The following TPP2 variants were observed in gnomAD, a reference collection of about 807,000 sequenced individuals.
TPP2 encodes tripeptidyl peptidase 2.
A neutral mutation model predicts 155.9 loss-of-function variants in TPP2; 34 were observed. That is an observed-to-expected ratio of 0.22 (90% CI 0.17 to 0.29). TPP2 has a LOEUF of 0.29. Among genes scored for constraint, TPP2 ranks in the 10% least tolerant of loss-of-function variants. TPP2 has a pLI of 1.00. For missense variants in TPP2, 1,028 were observed against 1,522.3 expected, an observed-to-expected ratio of 0.68 and a Z score of 5.40; for synonymous variants, 510 against 529.4, an observed-to-expected ratio of 0.96 and a Z score of 0.50.
intron 3 of TPP2, 112 bp from the exon 4 acceptor site, chr13:102,616,284 G>T: frequency 1.2e-6 from 1 of 807,186 alleles, no homozygotes; most frequent in Non-Finnish European, 1.9e-6. Context: ...ACCTCTCTAT[G>T]AGAATTGTGT....
chr13:102,634,175 T>C, intron 11 of TPP2, 77 bp downstream of exon 11: 1 of 1,574,734 alleles, frequency 6.4e-7, no homozygotes, highest in South Asian at 1.1e-5. Flanking sequence ...GGTAAGAACA[T>C]GTGGTAGAAT....
intron 26 of TPP2, among the ~76,000 whole-genome samples, chr13:102,664,429 C>T (rs1884454648): frequency 6.6e-6 from 1 of 151,598 alleles, no homozygotes; most frequent in African/African-American, 2.4e-5. Flanking sequence ...TAGTGTGCAA[C>T]TAGAGTAATG....
chr13:102,639,602 G>A (rs1882621873), intron 15 of TPP2, among the ~76,000 whole-genome samples: 1 of 152,082 alleles, frequency 6.6e-6, no homozygotes. Flanking sequence ...CTCCATGCTA[G>A]ATTGTCTAGG....
In TPP2 at chr13:102,640,286, CATT is replaced by C. The variant is rs1236607922; in HGVS notation, c.1933_1935del (p.Tyr645del). 3 of 1,605,342 alleles carry C rather than the reference CATT, an allele frequency of 1.9e-6. No individual in the cohort carries two copies. The highest frequency in any genetic ancestry group is 2.6e-6 in the Non-Finnish European group (3 of 1,174,442). On this transcript the variant is annotated inframe_deletion, in exon 16 of 30. Transcript: ENST00000376052. ...AATTTTCAGAGTAAATGAATCATCA[CATT>C]ATGATCTAGCCTTTACAGATGTACA...
chr13:102,608,760 TCTC>T (rs2139423942), intron 2 of TPP2, among the ~76,000 whole-genome samples: 1 of 152,210 alleles, frequency 6.6e-6, no homozygotes, highest in East Asian at 1.9e-4. Flanking sequence ...TGCTTCCTCC[TCTC>T]CTTTCTCCCT....
chr13:102,624,556 C>T (rs1326813393), intron 6 of TPP2, among the ~76,000 whole-genome samples: 2 of 152,104 alleles, frequency 1.3e-5, no homozygotes, highest in Non-Finnish European at 2.9e-5. Flanking sequence ...TTCTGTCACT[C>T]CAGATTATTT....
At chr13:102,662,313 A>G (rs933117819) in intron 25 of TPP2, among the ~76,000 whole-genome samples, 1 of 152,142 alleles carries the variant, frequency 6.6e-6, no homozygotes, top group Non-Finnish European at 1.5e-5. Flanking sequence ...ATTGATGAAA[A>G]ATGTTTTAAA....
intron 17 of TPP2, among the ~76,000 whole-genome samples, chr13:102,643,610 C>G (rs1260217531): frequency 6.6e-6 from 1 of 152,064 alleles, no homozygotes; most frequent in Non-Finnish European, 1.5e-5. Context: ...AAGAAACATA[C>G]TAGTCTGGTA....
At chr13:102,658,492 A>T (rs968826344) in intron 25 of TPP2, among the ~76,000 whole-genome samples, 3 of 152,250 alleles carry the variant, frequency 2.0e-5, no homozygotes, top group Non-Finnish European at 4.4e-5. Context: ...TTCTGGCATG[A>T]CAGCCTGAGG....
chr13:102,674,843 AG>A (rs1461163722), intron 28 of TPP2, among the ~76,000 whole-genome samples: 2 of 152,198 alleles, frequency 1.3e-5, no homozygotes, highest in East Asian at 3.8e-4. Flanking sequence ...TGTTGGTGGT[AG>A]GAGATTGGGG....
In TPP2 at chr13:102,623,102, C is replaced by T. The variant is rs952530169; in HGVS notation, c.784+62C>T. ...TATGAGGTGATAAAGTGGTACGTTG[C>T]GATAGCTCACAGCAACCTTCTAGAG... On this transcript the variant is annotated intron_variant, in intron 6 of 29. Coordinates refer to ENST00000376052, the MANE Select transcript of TPP2 (RefSeq NM_001330588.2). 5.0e-5 allele frequency: 76 copies of T among 1,510,260 alleles called. No homozygotes were observed. The African/African-American group carries it at 9.5e-4, about 19-fold the overall frequency. The allele number at this position is 1,510,260 out of a possible 1,614,324, so 93.6% of individuals were successfully genotyped here.
At position 102,625,865 on chromosome 13, in the gene TPP2, T is replaced by C. The variant is rs145673745; in HGVS notation, c.785-1147T>C. Among the ~76,000 whole-genome samples, 6 of 152,358 alleles carry C rather than the reference T, an allele frequency of 3.9e-5. No individual in the cohort carries two copies. In the East Asian group the frequency reaches 1.2e-3, roughly 29 times the overall value. The stretch of plus-strand genomic sequence containing the variant: ...CAGTGCCAGTTGTCATTTATCATTG[T>C]GCTTGTATTATTGTTTTTCTGAGAC... On this transcript the variant is annotated intron_variant, in intron 6 of 29. Transcript: ENST00000376052.
At chr13:102,627,344 T>C (rs1368864370) in intron 7 of TPP2, among the ~76,000 whole-genome samples, 178 bp downstream of exon 7, 1 of 152,068 alleles carries the variant, frequency 6.6e-6, no homozygotes. Flanking sequence ...TTAAATATTA[T>C]TAGGATTTGG....
chr13:102,665,670 A>G (rs995034627), intron 27 of TPP2, among the ~76,000 whole-genome samples: 1 of 152,164 alleles, frequency 6.6e-6, no homozygotes, highest in Non-Finnish European at 1.5e-5. Flanking sequence ...TTACTTGTTT[A>G]TCACTTTTGT....
intron 16 of TPP2, among the ~76,000 whole-genome samples, chr13:102,641,595 TCC>T (rs925712009): frequency 7.9e-5 from 12 of 152,084 alleles, no homozygotes; most frequent in Admixed American, 6.5e-4. Flanking sequence ...TGTATTTGGT[TCC>T]CCATACCATT....
intron 27 of TPP2, 148 bp downstream of exon 27, chr13:102,665,073 C>G (rs750295422): frequency 2.9e-6 from 3 of 1,027,860 alleles, no homozygotes; most frequent in Non-Finnish European, 4.1e-6. Flanking sequence ...TACTCCCCTC[C>G]TTAGAAATTT....
chr13:102,612,359 C>G (rs1566322453), intron 2 of TPP2, among the ~76,000 whole-genome samples: 1 of 152,158 alleles, frequency 6.6e-6, no homozygotes, highest in Non-Finnish European at 1.5e-5. Context: ...GGCATCCTCT[C>G]TTTAAGAGAG....
intron 2 of TPP2, among the ~76,000 whole-genome samples, chr13:102,611,071 A>G (rs1253076417): frequency 6.6e-6 from 1 of 152,056 alleles, no homozygotes; most frequent in Non-Finnish European, 1.5e-5. Context: ...ATCATACGTC[A>G]TTTTTCCCTT....
intron 6 of TPP2, among the ~76,000 whole-genome samples, chr13:102,625,973 A>G (rs578232768): frequency 6.6e-6 from 1 of 152,388 alleles, no homozygotes; most frequent in Admixed American, 6.5e-5. Flanking sequence ...ATTACTTTAT[A>G]TATAACATGT....
Sources: gnomAD v4.1 joint callset for allele counts (sites outside exome capture counted in the v4.1 genomes callset) on GRCh38, gnomAD v4.1.1 for gene constraint, MANE v1.5 for transcripts, NCBI Gene and HGNC (gene_info 2026-07-23, HGNC 2026-07-21) for gene names.